The following LIMCH1 variants were observed in gnomAD, a reference collection of about 807,000 sequenced individuals.
LIMCH1 encodes LIM and calponin homology domains 1.
In LIMCH1, 113 loss-of-function variants were observed where a neutral mutation model predicts 176.5. That is an observed-to-expected ratio of 0.64 (90% CI 0.55 to 0.75). The LOEUF is 0.75. Among genes scored for constraint, LIMCH1 ranks in the 30% least tolerant of loss-of-function variants. The probability of loss-of-function intolerance (pLI) is 0.00; values close to 1 mark genes in which losing one functional copy is unlikely to be tolerated. For missense variants in LIMCH1, 1,674 were observed against 1,814.9 expected (o/e 0.92, Z 1.41); for synonymous variants, 619 against 645.9 (o/e 0.96, Z 0.63).
At chr4:41,685,635 T>G in intron 27 of LIMCH1, 75 bp from the exon 28 acceptor site, 1 of 1,581,640 alleles carries the variant, frequency 6.3e-7, no homozygotes. Flanking sequence ...CATTAGCACT[T>G]TAAAGAAAGG....
intron 1 of LIMCH1, among the ~76,000 whole-genome samples, chr4:41,584,235 A>C (rs573548707): frequency 6.6e-6 from 1 of 152,318 alleles, no homozygotes; most frequent in Admixed American, 6.5e-5. Flanking sequence ...TGCAGAGATG[A>C]ATCAGACCTT....
At chr4:41,635,749 A>AGCAGTAAAAACACTTT (rs1159542195) in intron 13 of LIMCH1, among the ~76,000 whole-genome samples, 1 of 152,196 alleles carries the variant, frequency 6.6e-6, no homozygotes, top group African/African-American at 2.4e-5. Context: ...ATCTTAGATG[A>AGCAGTAAAAACACTTT]GCAGTAAAAA....
chr4:41,605,256 G>C (rs2090540769), intron 3 of LIMCH1, among the ~76,000 whole-genome samples: 1 of 152,092 alleles, frequency 6.6e-6, no homozygotes, highest in Non-Finnish European at 1.5e-5. Flanking sequence ...CCTTGTCAAG[G>C]CTCAAAATTT....
intron 2 of LIMCH1, among the ~76,000 whole-genome samples, chr4:41,600,901 A>G (rs2089802186): frequency 6.6e-6 from 1 of 152,144 alleles, no homozygotes; most frequent in Non-Finnish European, 1.5e-5. Context: ...TTACTGTACC[A>G]TCTTTTTGTT....
chr4:41,571,119 G>A (rs2083481773), intron 1 of LIMCH1, among the ~76,000 whole-genome samples: 1 of 152,178 alleles, frequency 6.6e-6, no homozygotes, highest in African/African-American at 2.4e-5. Context: ...ACTCTTGTGG[G>A]CAGGAGAGCT....
chr4:41,450,936 T>C (rs1275111288), intron 1 of LIMCH1, among the ~76,000 whole-genome samples: 8 of 152,078 alleles, frequency 5.3e-5, no homozygotes. Context: ...TTTGTGTATA[T>C]GGGTCATCAT....
intron 1 of LIMCH1, chr4:41,494,455 A>G (rs1341927068): frequency 1.1e-6 from 1 of 924,432 alleles, no homozygotes; most frequent in African/African-American, 1.6e-5. Context: ...ACACACACAT[A>G]CACACACACA....
chr4:41,468,661 T>C (rs1275632106), intron 1 of LIMCH1, among the ~76,000 whole-genome samples: 8 of 151,886 alleles, frequency 5.3e-5, no homozygotes, highest in Non-Finnish European at 5.9e-5. Flanking sequence ...CCAATTAGCT[T>C]CAAGAGTTTT....
chr4:41,674,686 C>T (rs901901982), intron 22 of LIMCH1, among the ~76,000 whole-genome samples: 12 of 152,200 alleles, frequency 7.9e-5, no homozygotes, highest in East Asian at 1.9e-4. Context: ...CTACCTTAAA[C>T]GTGCTCAAAA....
chr4:41,372,164 G>A (rs1051206368), intron 1 of LIMCH1, among the ~76,000 whole-genome samples: 3 of 152,058 alleles, frequency 2.0e-5, no homozygotes, highest in Admixed American at 6.5e-5. Flanking sequence ...CAGCAGTCTC[G>A]GTCTTTCCTC....
At chr4:41,363,172 C>A (rs551959630) in intron 1 of LIMCH1, among the ~76,000 whole-genome samples, 3 of 152,288 alleles carry the variant, frequency 2.0e-5, no homozygotes, top group East Asian at 3.9e-4. Flanking sequence ...CTGCAAACCA[C>A]GGGAACCCAG....
chr4:41,653,550 T>C lies in LIMCH1; in HGVS notation c.3036+2942T>C, dbSNP rs2094373939. On this transcript the variant is annotated intron_variant, in intron 18 of 31. Transcript: ENST00000503057. ...TTCCAAAAACTGCATTCCCAACAGA[T>C]ACACTCTCTACAGAGGAGTAGCTTC... 3.3e-5 allele frequency among the ~76,000 whole-genome samples: 5 copies of C among 152,322 alleles called. No homozygotes were observed. The South Asian group carries it at 8.3e-4, about 25-fold the overall frequency.
At chr4:41,629,313 G>A (rs918909723) in intron 8 of LIMCH1, among the ~76,000 whole-genome samples, 179 bp from the exon 9 acceptor site, 1 of 152,130 alleles carries the variant, frequency 6.6e-6, no homozygotes, top group Non-Finnish European at 1.5e-5. Flanking sequence ...TAATAAGGGT[G>A]GTATAGATGA....
intron 1 of LIMCH1, among the ~76,000 whole-genome samples, chr4:41,367,885 A>G (rs2053341922): frequency 6.7e-6 from 1 of 148,744 alleles, no homozygotes; most frequent in Middle Eastern, 3.5e-3. Flanking sequence ...AAAAAAAAAA[A>G]AGAAATCAAG....
At chr4:41,555,879 C>T (rs970297959) in intron 1 of LIMCH1, among the ~76,000 whole-genome samples, 5 of 152,072 alleles carry the variant, frequency 3.3e-5, no homozygotes, top group African/African-American at 1.2e-4. Context: ...GTAGCTGGCA[C>T]CACAGGCATT....
intron 1 of LIMCH1, among the ~76,000 whole-genome samples, chr4:41,399,553 TATA>T (rs2058151799): frequency 6.6e-6 from 1 of 152,168 alleles, no homozygotes; most frequent in African/African-American, 2.4e-5. Flanking sequence ...GAAGAGGTAA[TATA>T]ATGTAATAAA....
intron 1 of LIMCH1, among the ~76,000 whole-genome samples, chr4:41,427,801 A>G (rs1019784106): frequency 2.0e-5 from 3 of 152,216 alleles, no homozygotes; most frequent in Admixed American, 6.5e-5. Flanking sequence ...GTACAAACAC[A>G]TGAGTTCCCT....
intron 1 of LIMCH1, among the ~76,000 whole-genome samples, chr4:41,437,201 G>T (rs950544362): frequency 3.3e-5 from 5 of 152,218 alleles, no homozygotes; most frequent in Non-Finnish European, 7.3e-5. Flanking sequence ...GTAAGGAAGG[G>T]ATACAGAAAA....
chr4:41,498,658 C>T (rs770784787), intron 2 of LIMCH1, among the ~76,000 whole-genome samples: 5 of 152,096 alleles, frequency 3.3e-5, no homozygotes, highest in South Asian at 2.1e-4. Context: ...TGATGACTTA[C>T]GAGTCAAAAA....
Sources: gnomAD v4.1 joint callset for allele counts (sites outside exome capture counted in the v4.1 genomes callset) on GRCh38, gnomAD v4.1.1 for gene constraint, MANE v1.5 for transcripts, NCBI Gene and HGNC (gene_info 2026-07-23, HGNC 2026-07-21) for gene names.